MED13L: variants seen among roughly 807,000 people sequenced by gnomAD.
MED13L encodes mediator complex subunit 13L, also known as mediator of RNA polymerase II transcription subunit 13-like.
Under a neutral mutation model 220.9 loss-of-function variants are expected in MED13L, and 7 were observed. That is an observed-to-expected ratio of 0.03 (90% CI 0.02 to 0.06). The LOEUF (loss-of-function observed/expected upper bound fraction) is 0.06, where lower values mean the gene tolerates loss of function less well. MED13L is among the 10% of genes least tolerant of loss of function. The pLI is 1.00. For synonymous variants in MED13L, 1,011 were observed against 1,015.2 expected (o/e 1.00, Z 0.08); for missense variants, 1,965 against 2,760.5 (o/e 0.71, Z 6.46).
intron 1 of MED13L, among the ~76,000 whole-genome samples, chr12:116,263,969 A>C (rs1872665842): frequency 6.6e-6 from 1 of 152,200 alleles, no homozygotes; most frequent in Non-Finnish European, 1.5e-5. Flanking sequence ...GCAGAGGTTC[A>C]AGCAAGGCTG....
chr12:115,974,156 C>T (rs1876775909), intron 25 of MED13L, among the ~76,000 whole-genome samples: 1 of 152,164 alleles, frequency 6.6e-6, no homozygotes, highest in South Asian at 2.1e-4. Flanking sequence ...CAGCCATCCA[C>T]ACTTGTCTAG....
In MED13L at chr12:115,991,162, C is replaced by T. The variant is rs1878033989; in HGVS notation, c.3792G>A (p.Val1264=). Residue 1264 remains valine (V), a synonymous_variant, in exon 17 of 31, where the codon GTG becomes GTA. Coordinates refer to ENST00000281928, the MANE Select transcript of MED13L (RefSeq NM_015335.5). This position sits in a 1 kb window ranked among gnomAD's most constrained non-coding sequence, Gnocchi z 7.7. ...TCCAGTAATCATTATTATCTGCTTGCACCCGGTCATAACTCCAGCTTACAC... is the reference window on the plus strand; with the variant it reads ...TCCAGTAATCATTATTATCTGCTTGTACCCGGTCATAACTCCAGCTTACAC... ...LPCVSWSYDR[V]QADNNDYWTE... is the part of the protein sequence containing the mutation. 2 of 1,614,060 alleles carry T rather than the reference C, an allele frequency of 1.2e-6. No individual in the cohort carries two copies. Among genetic ancestry groups the T allele is most frequent in the South Asian group, 1.1e-5 (1 of 91,080 alleles).
intron 1 of MED13L, among the ~76,000 whole-genome samples, chr12:116,272,066 AAAAT>A (rs1165854291): frequency 6.6e-6 from 1 of 152,204 alleles, no homozygotes; most frequent in African/African-American, 2.4e-5. Flanking sequence ...CTGTTCATAA[AAAAT>A]AAACAATTTT....
intron 19 of MED13L, among the ~76,000 whole-genome samples, chr12:115,984,905 G>A (rs1877583553): frequency 6.6e-6 from 1 of 151,648 alleles, no homozygotes; most frequent in African/African-American, 2.4e-5. Flanking sequence ...AGGAGATTCT[G>A]CTATTAATCT....
At chr12:116,162,651 G>C (rs1192064036) in intron 2 of MED13L, among the ~76,000 whole-genome samples, 1 of 152,114 alleles carries the variant, frequency 6.6e-6, no homozygotes. Flanking sequence ...TTAAGTACTA[G>C]ACAGTAACTA....
intron 19 of MED13L, among the ~76,000 whole-genome samples, chr12:115,985,345 T>A (rs544114107): frequency 6.6e-6 from 1 of 152,368 alleles, no homozygotes; most frequent in South Asian, 2.1e-4. Flanking sequence ...TTAATTGATG[T>A]CATTACATCA....
intron 3 of MED13L, among the ~76,000 whole-genome samples, chr12:116,098,191 A>T (rs1280820000): frequency 6.6e-6 from 1 of 152,148 alleles, no homozygotes; most frequent in Admixed American, 6.5e-5. Context: ...GGTTGCAGTG[A>T]TCTGAGATCA....
In MED13L at chr12:116,184,835, T is replaced by C. The variant is rs563518541; in HGVS notation, c.310+52633A>G. ...AGTCATTTCTATTAAAGTTTCAATA[T>C]AGGTTATGGCTTATTTGACAATCAC... On this transcript the variant is annotated intron_variant, in intron 2 of 30. Coordinates refer to ENST00000281928, the MANE Select transcript of MED13L (RefSeq NM_015335.5). Among the ~76,000 whole-genome samples the C allele has an allele frequency of 2.0e-5, 3 of 152,354 alleles. No individual in the cohort carries two copies. In the South Asian group the frequency reaches 6.2e-4, roughly 32 times the overall value.
chr12:116,061,387 G>A (rs1328569726), intron 4 of MED13L, among the ~76,000 whole-genome samples: 1 of 152,064 alleles, frequency 6.6e-6, no homozygotes, highest in Non-Finnish European at 1.5e-5. Flanking sequence ...GAAAGGCAAT[G>A]TCAGAGGGTT....
intron 4 of MED13L, among the ~76,000 whole-genome samples, chr12:116,076,969 G>A (rs1870855484): frequency 1.3e-5 from 2 of 152,092 alleles, no homozygotes; most frequent in South Asian, 2.1e-4. Flanking sequence ...TATCTTCCAC[G>A]GCTGCTAAGC....
chr12:116,129,885 G>A (rs1182961270), intron 2 of MED13L, among the ~76,000 whole-genome samples: 1 of 150,654 alleles, frequency 6.6e-6, no homozygotes, highest in Admixed American at 6.6e-5. Context: ...CTCCAGCCTG[G>A]GCAACAGAGT....
intron 4 of MED13L, among the ~76,000 whole-genome samples, chr12:116,032,694 A>G (rs1414848144): frequency 1.3e-5 from 2 of 152,194 alleles, no homozygotes; most frequent in Non-Finnish European, 2.9e-5. Context: ...GACAAAATTT[A>G]AAGTTACAAC....
chr12:116,015,041 C>T (rs1879640414), intron 8 of MED13L, 68 bp downstream of exon 8: 1 of 1,490,650 alleles, frequency 6.7e-7, no homozygotes, highest in Non-Finnish European at 9.4e-7. Flanking sequence ...ATGTGATTGA[C>T]ATTTTCCAGG....
chr12:116,191,210 C>A (rs1881261087), intron 2 of MED13L, among the ~76,000 whole-genome samples: 1 of 151,934 alleles, frequency 6.6e-6, no homozygotes, highest in Non-Finnish European at 1.5e-5. Context: ...ATACTTCAAA[C>A]AAAATTCTAC....
rs535044665 is a variant in MED13L at position 116,040,565 on chromosome 12, T to C, written c.480-17964A>G. On this transcript the variant is annotated intron_variant, in intron 4 of 30. Transcript: ENST00000281928. ...CTTTCTTTGGATCAGCCAGGTCATT[T>C]ACTCAAAAAATAAAAGATTCCATCA... 3.9e-5 allele frequency among the ~76,000 whole-genome samples: 6 copies of C among 152,300 alleles called. No homozygotes were observed. The South Asian group carries it at 1.0e-3, about 26-fold the overall frequency.
At chr12:116,187,212 T>C (rs1294162057) in intron 2 of MED13L, among the ~76,000 whole-genome samples, 3 of 152,218 alleles carry the variant, frequency 2.0e-5, no homozygotes, top group African/African-American at 7.2e-5. Flanking sequence ...TACAAAATAG[T>C]GGTTAAGACC....
Position 116,019,930 on chromosome 12 carries a change from T to C in MED13L, c.668A>G (p.Gln223Arg). 6.2e-7 allele frequency: 1 copy of C among 1,613,838 alleles called. No homozygotes were observed. The highest frequency in any genetic ancestry group is 8.5e-7 in the Non-Finnish European group (1 of 1,179,900). The change falls in exon 6 of 31, where the codon CAA (glutamine) becomes CGA (arginine). Residue 223 changes from glutamine to arginine, a missense_variant. Physicochemically the swap from Gln to Arg is conservative, Grantham distance 43. Transcript: ENST00000281928. ...PYGLNGTLTG[Q>R]AYKMSDPATR... ...GGCTGGGTCTGACATCTTGTATGCT[T>C]GGCCTGTTAGCGTCCCATTTAAGCC... is the stretch of plus-strand genomic sequence containing the variant.
At chr12:116,104,424 T>A (rs979578094) in intron 3 of MED13L, among the ~76,000 whole-genome samples, 6 of 152,330 alleles carry the variant, frequency 3.9e-5, no homozygotes, top group African/African-American at 1.4e-4. Flanking sequence ...ATAATTTCAA[T>A]TTTCCCCACA....
rs63703461 is a variant in MED13L at position 116,038,744 on chromosome 12, CAAAAAAAAAAAA to C, written c.480-16155_480-16144del. On this transcript the variant is annotated intron_variant, in intron 4 of 30. Transcript: ENST00000281928. ...GACTTTACCTATGCGGTCAAAAGGCCAAAAAAAAAAAAAAAAAAAAAAAAAAAGGAGAACCTG... is the reference window on the plus strand; with the variant it reads ...GACTTTACCTATGCGGTCAAAAGGCCAAAAAAAAAAAAAAAGGAGAACCTG... Among the ~76,000 whole-genome samples, 41 of 75,262 alleles carry C rather than the reference CAAAAAAAAAAAA, an allele frequency of 5.4e-4. 1 individual carries two copies. The highest frequency in any genetic ancestry group is 2.2e-3 in the South Asian group (4 of 1,844). The allele number at this position is 75,262 out of a possible 152,430, so 49.4% of individuals were successfully genotyped here. A position where few individuals can be genotyped will look rare whatever the true frequency, so the allele number is the denominator to read the frequency against.
Sources: gnomAD v4.1 joint callset for allele counts (sites outside exome capture counted in the v4.1 genomes callset) on GRCh38, gnomAD v4.1.1 for gene constraint, Gnocchi (gnomAD v3.1) non-coding constraint, MANE v1.5 for transcripts, NCBI Gene and HGNC (gene_info 2026-07-23, HGNC 2026-07-21) for gene names.